ZNF174: variants seen among roughly 807,000 people sequenced by gnomAD.
ZNF174 encodes the protein AW-1.
ZNF174 carries 30 observed loss-of-function variants against 38.7 expected under a neutral mutation model. That is an observed-to-expected ratio of 0.78 (90% CI 0.58 to 1.05). ZNF174 has a LOEUF of 1.05. Among genes scored for constraint, ZNF174 ranks in the 50% least tolerant of loss-of-function variants. The probability of loss-of-function intolerance (pLI) is 0.00; values close to 1 mark genes in which losing one functional copy is unlikely to be tolerated. For missense variants in ZNF174, 499 were observed against 495.6 expected (o/e 1.01, Z -0.06); for synonymous variants, 201 against 181.7 (o/e 1.11, Z -0.86).
At position 3,404,620 on chromosome 16, in the gene ZNF174, A is replaced by G; in HGVS notation, c.597A>G (p.Gln199=). Residue 199 remains glutamine, a synonymous_variant, in exon 2 of 3, where the codon CAA becomes CAG. Transcript: ENST00000268655. The part of the protein sequence containing the change: ...PHHWEKSPLL[Q]EPTPKLAGTE... ...ATTGGGAGAAATCCCCACTCCTCCA[A>G]GAACCAACCCCCAAATTGGCTGGGA... 1 of 1,614,254 alleles carries G rather than the reference A, an allele frequency of 6.2e-7. No individual in the cohort carries two copies. Among genetic ancestry groups the G allele is most frequent in the Non-Finnish European group, 8.5e-7 (1 of 1,180,054 alleles).
intron 2 of ZNF174, among the ~76,000 whole-genome samples, chr16:3,407,877 G>A (rs947860716): frequency 5.3e-5 from 8 of 152,252 alleles, no homozygotes; most frequent in African/African-American, 1.9e-4. Context: ...TTTACTAAGT[G>A]AGGGGTATTT....
In ZNF174 at chr16:3,404,507, C is replaced by G. The variant is rs779727493; in HGVS notation, c.484C>G (p.Gln162Glu). 11 of 1,613,740 alleles carry G rather than the reference C, an allele frequency of 6.8e-6. No individual in the cohort carries two copies. The East Asian group carries it at 2.2e-4, about 33-fold the overall frequency. ...TGGAGAACAGGAACTGCCAGACTTTCAACCGCAGACTCCTAGGAGAGATCT... is the reference window on the plus strand; with the variant it reads ...TGGAGAACAGGAACTGCCAGACTTTGAACCGCAGACTCCTAGGAGAGATCT... ...QLGEQELPDF[Q>E]PQTPRRDLRE... Residue 162 changes from glutamine (Q) to glutamate (E), a missense_variant, in exon 2 of 3, where the codon CAA becomes GAA. By Grantham distance (29) the Gln-to-Glu change is conservative (BLOSUM62 2). Transcript: ENST00000268655.
chr16:3,405,213 T>G, intron 2 of ZNF174: 1 of 759,178 alleles, frequency 1.3e-6, no homozygotes, highest in South Asian at 2.8e-5. Flanking sequence ...GAATACAAGA[T>G]ACAGTGAGCA....
Position 3,408,349 on chromosome 16 carries a change from G to A in ZNF174, c.654G>A (p.Lys218=), listed in dbSNP as rs929813815. The A allele has an allele frequency of 8.1e-6, 13 of 1,596,462 alleles. No individual in the cohort carries two copies. Among genetic ancestry groups the A allele is most frequent in the Non-Finnish European group, 1.1e-5 (13 of 1,172,066 alleles). Reference sequence around the variant, plus strand: ...CCCCCAGAATGAGAAGTGACAACAAGGAAAATCCACAACAGGAAGGGGCTA... The same window carrying A: ...CCCCCAGAATGAGAAGTGACAACAAAGAAAATCCACAACAGGAAGGGGCTA... ...TEAPRMRSDN[K]ENPQQEGAKG... Residue 218 remains lysine (K), a synonymous_variant, in exon 3 of 3, where the codon AAG becomes AAA. Coordinates refer to ENST00000268655, the MANE Select transcript of ZNF174 (RefSeq NM_003450.3).
At position 3,408,875 on chromosome 16, in the gene ZNF174, A is replaced by G. The variant is rs2034090475; in HGVS notation, c.1180A>G (p.Ser394Gly). 1 of 1,613,392 alleles carries G rather than the reference A, an allele frequency of 6.2e-7. No individual in the cohort carries two copies. The highest frequency in any genetic ancestry group is 8.5e-7 in the Non-Finnish European group (1 of 1,179,446). The change falls in exon 3 of 3, where the codon AGC becomes GGC. Residue 394 changes from serine (S) to glycine (G), a missense_variant. Ser to Gly is a moderately conservative substitution (Grantham distance 56). Transcript: ENST00000268655. ...CCAGTGTGGGAAAAGCTTTCGCCAG[A>G]GCTCAAACCTTCACCAGCATCACCG... is the stretch of plus-strand genomic sequence containing the variant. ...CGQCGKSFRQSSNLHQHHRLH... is the reference protein window; with the variant it reads ...CGQCGKSFRQGSNLHQHHRLH...
intron 2 of ZNF174, among the ~76,000 whole-genome samples, chr16:3,408,034 GGAA>G (rs1055865074): frequency 3.0e-4 from 45 of 152,126 alleles, no homozygotes; most frequent in African/African-American, 1.0e-3. Flanking sequence ...AAGGGAGAAA[GGAA>G]GAAGGAGGAT....
intron 1 of ZNF174, among the ~76,000 whole-genome samples, chr16:3,403,422 T>C (rs2033996637): frequency 6.6e-6 from 1 of 151,652 alleles, no homozygotes; most frequent in Non-Finnish European, 1.5e-5. Flanking sequence ...CCTCCCGCCT[T>C]GGCCTCTCAA....
chr16:3,408,520 C>T lies in ZNF174; in HGVS notation c.825C>T (p.His275=), dbSNP rs1219910313. Reference sequence around the variant, plus strand: ...CAAATGCTCAAAAGCCATTTGCTCACTACCAGAGACATTGCAGGGTGGAAT... The same window carrying T: ...CAAATGCTCAAAAGCCATTTGCTCATTACCAGAGACATTGCAGGGTGGAAT... ...SSPNAQKPFA[H]YQRHCRVEYI... is the part of the protein sequence containing the mutation. The change falls in exon 3 of 3, where the codon CAC becomes CAT. Residue 275 remains histidine (H), a synonymous_variant. Coordinates refer to ENST00000268655, the MANE Select transcript of ZNF174 (RefSeq NM_003450.3). 4 of 1,614,050 alleles carry T rather than the reference C, an allele frequency of 2.5e-6. No individual in the cohort carries two copies. The highest frequency in any genetic ancestry group is 3.4e-6 in the Non-Finnish European group (4 of 1,180,042).
rs2033914843 is a variant in ZNF174, at chr16:3,401,892, C to T, written c.-113C>T. 1.5e-6 allele frequency: 2 copies of T among 1,351,306 alleles called. No individual in the cohort carries two copies. Among genetic ancestry groups the T allele is most frequent in the South Asian group, 1.3e-5 (1 of 76,936 alleles). 83.7% of individuals were successfully genotyped at this position (1,351,306 alleles called of 1,614,324 possible). On this transcript the variant is annotated 5_prime_UTR_variant, in exon 1 of 3. Coordinates refer to ENST00000268655, the MANE Select transcript of ZNF174 (RefSeq NM_003450.3). ...CTCTGCATCCCGTTCCCCCTAACAT[C>T]CTCAGAGAACCTTCGTTTCTAGAAT...
In ZNF174 at chr16:3,401,259, G is replaced by C. The variant is rs1424186660; in HGVS notation, c.-746G>C. On this transcript the variant is annotated 5_prime_UTR_variant, in exon 1 of 3. Coordinates refer to ENST00000268655, the MANE Select transcript of ZNF174 (RefSeq NM_003450.3). ...CGGGTCCTAAGTCCCTCGGTCTTGG[G>C]TTCCCGGAGAGGTGAGTCGGCTGCA... 1 of 152,486 alleles carries C rather than the reference G, an allele frequency of 6.6e-6. No individual in the cohort carries two copies. Among genetic ancestry groups the C allele is most frequent in the Non-Finnish European group, 1.5e-5 (1 of 68,264 alleles). The allele number at this position is 152,486 out of a possible 1,614,324, so 9.4% of individuals were successfully genotyped here. A position where few individuals can be genotyped will look rare whatever the true frequency, so the allele number is the denominator to read the frequency against.
At position 3,402,382 on chromosome 16, in the gene ZNF174, A is replaced by C; in HGVS notation, c.378A>C (p.Arg126Ser). The C allele has an allele frequency of 6.2e-7, 1 of 1,613,620 alleles. No homozygotes were observed. The highest frequency in any genetic ancestry group is 1.1e-5 in the South Asian group (1 of 91,028). Residue 126 changes from arginine (R) to serine (S), a missense_variant, in exon 1 of 3, where the codon AGA becomes AGC. Physicochemically the swap from Arg to Ser is moderately radical, Grantham distance 110 (BLOSUM62 -1). Transcript: ENST00000268655. The part of the protein sequence containing the change: ...EIVTLVEDFH[R>S]ASKKPKQWVA... ...TGACCCTCGTGGAAGATTTTCACAGAGCATCCAAGAAACCAAAGCAGTGGG... is the reference window on the plus strand; with the variant it reads ...TGACCCTCGTGGAAGATTTTCACAGCGCATCCAAGAAACCAAAGCAGTGGG...
At chr16:3,403,910 TTCGGAAAATA>T (rs1366051871) in intron 1 of ZNF174, among the ~76,000 whole-genome samples, 2 of 152,176 alleles carry the variant, frequency 1.3e-5, no homozygotes, top group Non-Finnish European at 2.9e-5. Flanking sequence ...CGGCAGGTAC[TTCGGAAAATA>T]GAACTTGTTA....
Position 3,408,926 on chromosome 16 carries a change from C to T in ZNF174, c.*7C>T, listed in dbSNP as rs765984987. The T allele has an allele frequency of 1.3e-6, 2 of 1,594,214 alleles. No individual in the cohort carries two copies. The highest frequency in any genetic ancestry group is 1.7e-6 in the Non-Finnish European group (2 of 1,168,632). On this transcript the variant is annotated 3_prime_UTR_variant, in exon 3 of 3. Coordinates refer to ENST00000268655, the MANE Select transcript of ZNF174 (RefSeq NM_003450.3). ...ACTTCACCATGGGGACTAAAAGGAG[C>T]ACTCCATGCTTTAGATTCACACGGA...
Position 3,401,897 on chromosome 16 carries a change from G to C in ZNF174, c.-108G>C. 7.1e-7 allele frequency: 1 copy of C among 1,400,440 alleles called. No individual in the cohort carries two copies. The highest frequency in any genetic ancestry group is 9.7e-7 in the Non-Finnish European group (1 of 1,027,532). 86.8% of individuals were successfully genotyped at this position (1,400,440 alleles called of 1,614,324 possible). On this transcript the variant is annotated 5_prime_UTR_variant, in exon 1 of 3. Coordinates refer to ENST00000268655, the MANE Select transcript of ZNF174 (RefSeq NM_003450.3). The stretch of plus-strand genomic sequence containing the variant: ...CATCCCGTTCCCCCTAACATCCTCA[G>C]AGAACCTTCGTTTCTAGAATCTTTC...
intron 1 of ZNF174, among the ~76,000 whole-genome samples, chr16:3,403,909 C>G (rs1439218697): frequency 1.3e-5 from 2 of 152,204 alleles, no homozygotes; most frequent in East Asian, 1.9e-4. Context: ...ACGGCAGGTA[C>G]TTCGGAAAAT....
chr16:3,404,812 G>A (rs891796647), intron 2 of ZNF174, 164 bp downstream of exon 2: 6 of 1,552,090 alleles, frequency 3.9e-6, no homozygotes, highest in Admixed American at 1.9e-5. Context: ...GGATGGTGGT[G>A]ATACTACAAG....
chr16:3,404,872 C>T (rs756846716), intron 2 of ZNF174: 5 of 1,607,024 alleles, frequency 3.1e-6, no homozygotes, highest in Admixed American at 3.4e-5. Context: ...GAATCCAGTG[C>T]ATGACAGGGT....
intron 1 of ZNF174, among the ~76,000 whole-genome samples, chr16:3,403,150 C>CTTTTTTTTTTTTTTTTTTTTTT (rs753071209): frequency 3.2e-5 from 1 of 30,938 alleles, no homozygotes; most frequent in African/African-American, 1.5e-4. Flanking sequence ...AGCTTATAGT[C>CTTTTTTTTTTTTTTTTTTTTTT]TTTTTTTTTT....
At chr16:3,404,312 A>T (rs1287363417) in intron 1 of ZNF174, 114 bp from the exon 2 acceptor site, 4 of 1,034,782 alleles carry the variant, frequency 3.9e-6, no homozygotes, top group African/African-American at 1.6e-5. Flanking sequence ...ATGAAAGTTG[A>T]CCTCTAGATG....
Sources: gnomAD v4.1 joint callset for allele counts (sites outside exome capture counted in the v4.1 genomes callset) on GRCh38, gnomAD v4.1.1 for gene constraint, MANE v1.5 for transcripts, NCBI Gene and HGNC (gene_info 2026-07-23, HGNC 2026-07-21) for gene names.